The following COL23A1 variants were observed in gnomAD, a reference collection of about 807,000 sequenced individuals.
COL23A1 encodes the protein collagen alpha-1(XXIII) chain.
COL23A1 carries 97 observed loss-of-function variants against 99.3 expected under a neutral mutation model. The ratio of observed to expected loss-of-function variants is 0.98; its 90% CI spans 0.83 to 1.16. The LOEUF is 1.16. COL23A1 is among the 50% of genes most tolerant of loss of function. The pLI is 0.00. For missense variants in COL23A1, 762 were observed against 757.4 expected (o/e 1.01, Z -0.07); for synonymous variants, 320 against 308.2 (o/e 1.04, Z -0.40).
chr5:178,440,926 A>G (rs1170640143), intron 2 of COL23A1, among the ~76,000 whole-genome samples: 3 of 152,102 alleles, frequency 2.0e-5, no homozygotes, highest in African/African-American at 4.8e-5. Flanking sequence ...CTACTGTTTC[A>G]TCTTTCTATG....
At chr5:178,270,196 C>T in intron 6 of COL23A1, 141 bp downstream of exon 6, 1 of 954,114 alleles carries the variant, frequency 1.0e-6, no homozygotes, top group Non-Finnish European at 1.6e-6. Flanking sequence ...GATTTGAACT[C>T]AAGTCTGACA....
In COL23A1 at chr5:178,457,308, G is replaced by T. The variant is rs927720339; in HGVS notation, c.361+103374C>A. Among the ~76,000 whole-genome samples the T allele has an allele frequency of 1.3e-5, 2 of 152,136 alleles. 1 individual carries two copies. The highest frequency in any genetic ancestry group is 4.8e-5 in the African/African-American group (2 of 41,428). The stretch of plus-strand genomic sequence containing the variant: ...GGCTCACTGCAGCCCCTGCCTCCCA[G>T]GTTCAAGCAATTCTCCTGCCTCAGC... On this transcript the variant is annotated intron_variant, in intron 2 of 28. Transcript: ENST00000390654.
Position 178,280,226 on chromosome 5 carries a change from G to C in COL23A1, c.441+8098C>G, listed in dbSNP as rs760624146. On this transcript the variant is annotated intron_variant, in intron 5 of 28. Transcript: ENST00000390654. This position sits in a 1 kb window ranked among gnomAD's most constrained non-coding sequence, Gnocchi z 4.9. The stretch of plus-strand genomic sequence containing the variant: ...CCCGCCCTCGGGCCACAGCCTGGGC[G>C]ATCAGCCAGGACGCTGGCCATTGAG... 6.6e-6 allele frequency among the ~76,000 whole-genome samples: 1 copy of C among 152,234 alleles called. No homozygotes were observed. Among genetic ancestry groups the C allele is most frequent in the African/African-American group, 2.4e-5 (1 of 41,456 alleles).
At chr5:178,582,686 T>C (rs1763725546) in intron 1 of COL23A1, among the ~76,000 whole-genome samples, 1 of 151,946 alleles carries the variant, frequency 6.6e-6, no homozygotes, top group South Asian at 2.1e-4. Context: ...TCTTCCAGAC[T>C]CCGCCCTCCA....
At chr5:178,454,317 A>G (rs896659861) in intron 2 of COL23A1, among the ~76,000 whole-genome samples, 1 of 152,234 alleles carries the variant, frequency 6.6e-6, no homozygotes, top group African/African-American at 2.4e-5. Flanking sequence ...TATGAAAAGC[A>G]ACTCAGATCA....
chr5:178,542,009 T>C (rs642624), intron 2 of COL23A1, among the ~76,000 whole-genome samples: 38,052 of 152,084 alleles, frequency 0.25, 4,921 homozygotes, highest in African/African-American at 0.31. Flanking sequence ...TGCTCTTGCT[T>C]GTAGCAGGTT....
At chr5:178,546,810 C>T (rs1005937475) in intron 2 of COL23A1, among the ~76,000 whole-genome samples, 4 of 152,198 alleles carry the variant, frequency 2.6e-5, no homozygotes, top group South Asian at 2.1e-4. Flanking sequence ...GAGGCAACTC[C>T]GTGCCAAAGG....
At chr5:178,275,568 C>T (rs548354741) in intron 5 of COL23A1, among the ~76,000 whole-genome samples, 2 of 152,322 alleles carry the variant, frequency 1.3e-5, no homozygotes, top group East Asian at 3.9e-4. Context: ...GCACACTCAG[C>T]ATCATCATGA....
chr5:178,479,695 G>A (rs551768317), intron 2 of COL23A1, among the ~76,000 whole-genome samples: 65 of 152,292 alleles, frequency 4.3e-4, no homozygotes, highest in Middle Eastern at 6.8e-3. Context: ...TGATAATGAC[G>A]TTGTGGTTAT....
chr5:178,259,711 C>A lies in COL23A1; in HGVS notation c.729+10G>T. ...ACTGACCCGGAAGCTCCTCCATTGG[C>A]CCCTCTCACCTTCTTTCCAGGTACT... is the stretch of plus-strand genomic sequence containing the variant. On this transcript the variant is annotated intron_variant, in intron 12 of 28. Transcript: ENST00000390654. 3 of 1,601,874 alleles carry A rather than the reference C, an allele frequency of 1.9e-6. No individual in the cohort carries two copies. The highest frequency in any genetic ancestry group is 2.6e-6 in the Non-Finnish European group (3 of 1,172,300).
At chr5:178,405,214 C>T (rs1764696836) in intron 2 of COL23A1, among the ~76,000 whole-genome samples, 1 of 152,226 alleles carries the variant, frequency 6.6e-6, no homozygotes, top group Non-Finnish European at 1.5e-5. Context: ...AAACCACAGC[C>T]CGGCTCTGAG....
chr5:178,249,716 A>ACACTCACTCACTCTCTCTCT, intron 18 of COL23A1, among the ~76,000 whole-genome samples: 2 of 92,808 alleles, frequency 2.2e-5, no homozygotes, highest in South Asian at 4.2e-4. Context: ...ACACACACAC[A>ACACTCACTCACTCTCTCTCT]CTCTCTCTCT....
At chr5:178,498,989 A>T (rs1581509356) in intron 2 of COL23A1, among the ~76,000 whole-genome samples, 1 of 151,806 alleles carries the variant, frequency 6.6e-6, no homozygotes, top group African/African-American at 2.4e-5. Context: ...ACTCAGGAGG[A>T]TGAGGCAGGA....
chr5:178,377,188 C>A (rs1763116715), intron 2 of COL23A1, among the ~76,000 whole-genome samples: 1 of 152,206 alleles, frequency 6.6e-6, no homozygotes, highest in African/African-American at 2.4e-5. Flanking sequence ...ATCCACCCAG[C>A]AGAGCTATGA....
intron 1 of COL23A1, among the ~76,000 whole-genome samples, chr5:178,584,022 C>T (rs931712354): frequency 6.6e-6 from 1 of 152,036 alleles, no homozygotes; most frequent in African/African-American, 2.4e-5. Flanking sequence ...GCCACCATGC[C>T]CAGCTGATTA....
intron 1 of COL23A1, among the ~76,000 whole-genome samples, chr5:178,576,560 C>G (rs1438639139): frequency 6.6e-6 from 1 of 152,188 alleles, no homozygotes; most frequent in African/African-American, 2.4e-5. Context: ...AAGACACACA[C>G]GGCTTCTCAG....
intron 2 of COL23A1, among the ~76,000 whole-genome samples, chr5:178,408,991 C>T (rs1184213564): frequency 2.2e-4 from 32 of 144,682 alleles, no homozygotes; most frequent in African/African-American, 7.6e-4. Flanking sequence ...CACACACACA[C>T]ACACACACAC....
At chr5:178,265,592 G>A (rs1561805958) in intron 8 of COL23A1, 3 of 815,232 alleles carry the variant, frequency 3.7e-6, no homozygotes, top group East Asian at 2.5e-4. Flanking sequence ...CCCTGCAAAC[G>A]TGGGGTGAGT....
intron 2 of COL23A1, among the ~76,000 whole-genome samples, chr5:178,359,811 C>T (rs920664005): frequency 6.6e-6 from 1 of 152,152 alleles, no homozygotes; most frequent in Admixed American, 6.5e-5. Context: ...TCAGAAATAG[C>T]CTATTTCTAG....
Sources: gnomAD v4.1 joint callset for allele counts (sites outside exome capture counted in the v4.1 genomes callset) on GRCh38, gnomAD v4.1.1 for gene constraint, Gnocchi (gnomAD v3.1) non-coding constraint, MANE v1.5 for transcripts, NCBI Gene and HGNC (gene_info 2026-07-23, HGNC 2026-07-21) for gene names.